The following ANKMY1 variants were observed in gnomAD, a reference collection of about 807,000 sequenced individuals.
ANKMY1 encodes the protein ankyrin repeat and MYND domain-containing protein 1.
Under a neutral mutation model 102.0 loss-of-function variants are expected in ANKMY1, and 98 were observed. That is an observed-to-expected ratio of 0.96 (90% CI 0.82 to 1.14). The LOEUF (loss-of-function observed/expected upper bound fraction) is 1.14. Ranked by LOEUF, ANKMY1 falls within the 50% of genes most tolerant of loss-of-function variation. The probability of loss-of-function intolerance (pLI) is 0.00; values close to 1 mark genes in which losing one functional copy is unlikely to be tolerated. For missense variants in ANKMY1, 1,330 were observed against 1,347.6 expected, an observed-to-expected ratio of 0.99 and a Z score of 0.20; for synonymous variants, 582 against 559.9, an observed-to-expected ratio of 1.04 and a Z score of -0.56.
upstream of ANKMY1, among the ~76,000 whole-genome samples, chr2:240,559,636 AG>A (rs2125367562): frequency 6.6e-6 from 1 of 152,362 alleles, no homozygotes; most frequent in South Asian, 2.1e-4. Flanking sequence ...GGAAAGTTGG[AG>A]TCCTTCCTTA....
Position 240,523,909 on chromosome 2 carries a change from C to T in ANKMY1, c.1808G>A (p.Arg603Gln), listed in dbSNP as rs373595407. The change falls in exon 8 of 18, where the codon CGG becomes CAG. Residue 603 changes from arginine (R) to glutamine (Q), a missense_variant. By Grantham distance (43) the Arg-to-Gln change is conservative. Transcript: ENST00000401804. ...CTCGATCATGGACAGCGCCATCCTC[C>T]GCATGGTCCCTTTGTCGAAGCTGCT... ...CTSSFDKGTMRRMALSMIERR... is the reference protein window; with the variant it reads ...CTSSFDKGTMQRMALSMIERR... 37 of 1,613,480 alleles carry T rather than the reference C, an allele frequency of 2.3e-5. No homozygotes were observed. The East Asian group carries it at 3.6e-4, about 16-fold the overall frequency.
intron 4 of ANKMY1, chr2:240,552,632 T>G (rs1338682398): frequency 2.3e-6 from 1 of 432,078 alleles, no homozygotes; most frequent in Non-Finnish European, 4.3e-6. Flanking sequence ...AAACATTATG[T>G]GTACAGTGAT....
At chr2:240,526,116 TC>T in intron 6 of ANKMY1, 112 bp downstream of exon 6, 1 of 1,288,572 alleles carries the variant, frequency 7.8e-7, no homozygotes, top group Non-Finnish European at 1.1e-6. Flanking sequence ...ACAATCAGTG[TC>T]CCCATGTACC....
intron 4 of ANKMY1, among the ~76,000 whole-genome samples, chr2:240,541,149 T>A (rs2088661833): frequency 6.6e-6 from 1 of 152,148 alleles, no homozygotes; most frequent in Admixed American, 6.5e-5. Context: ...TGTAACTGTG[T>A]GTTGTGTGTG....
intron 13 of ANKMY1, among the ~76,000 whole-genome samples, chr2:240,502,614 G>A (rs564396579): frequency 4.5e-4 from 68 of 151,394 alleles, no homozygotes; most frequent in Non-Finnish European, 7.4e-4. Context: ...CCTGCCCGTC[G>A]CTCACCAGGA....
chr2:240,557,479 A>G (rs2092501833), intron 1 of ANKMY1, 127 bp from the exon 2 acceptor site: 1 of 1,130,306 alleles, frequency 8.8e-7, no homozygotes, highest in Non-Finnish European at 1.2e-6. Context: ...ACCGCGCCGG[A>G]GCCTGGGCCG....
intron 9 of ANKMY1, among the ~76,000 whole-genome samples, chr2:240,517,811 A>G (rs554007699): frequency 1.3e-5 from 2 of 152,118 alleles, no homozygotes; most frequent in African/African-American, 4.8e-5. Flanking sequence ...GCCTCAAAAG[A>G]AAAAAAAGGA....
At chr2:240,470,769 C>T in the ANKMY1 span, among the ~76,000 whole-genome samples, 1 of 152,292 alleles carries the variant, frequency 6.6e-6, no homozygotes, top group Admixed American at 6.5e-5. Flanking sequence ...GTAGACTCAG[C>T]TAAAATAACC....
upstream of ANKMY1, chr2:240,558,067 G>A (rs1056556956): frequency 1.6e-5 from 13 of 827,014 alleles, no homozygotes; most frequent in African/African-American, 5.6e-5. Context: ...CCCCCCGCCA[G>A]GACGCACCCG....
intron 15 of ANKMY1, among the ~76,000 whole-genome samples, chr2:240,493,726 T>C (rs2076910760): frequency 6.6e-6 from 1 of 151,984 alleles, no homozygotes; most frequent in Non-Finnish European, 1.5e-5. Flanking sequence ...GCCCCAGAGG[T>C]GGCAAGGATG....
At chr2:240,535,771 T>G (rs1188813618) in intron 4 of ANKMY1, among the ~76,000 whole-genome samples, 1 of 152,014 alleles carries the variant, frequency 6.6e-6, no homozygotes, top group African/African-American at 2.4e-5. Context: ...AAATCAGAGT[T>G]TAGTCCTCAG....
rs1386269098 is a variant in ANKMY1 at position 240,499,209 on chromosome 2, G to T, written c.2806+749C>A. ...GGTTCCGGTGTGTGTGTGCACACAC[G>T]TGTTAACACGTGACAGGTTTTTATG... On this transcript the variant is annotated intron_variant, in intron 15 of 17. Transcript: ENST00000401804. The surrounding 1 kb of genome is among the most constrained non-coding windows in gnomAD (Gnocchi z 4.2). Among the ~76,000 whole-genome samples, 1 of 152,104 alleles carries T rather than the reference G, an allele frequency of 6.6e-6. No individual in the cohort carries two copies. The highest frequency in any genetic ancestry group is 2.1e-4 in the South Asian group (1 of 4,824).
chr2:240,524,024 C>T lies in ANKMY1; in HGVS notation c.1693G>A (p.Asp565Asn), dbSNP rs764591424. 1.2e-5 allele frequency: 20 copies of T among 1,613,848 alleles called. No individual in the cohort carries two copies. Among genetic ancestry groups the T allele is most frequent in the South Asian group, 8.8e-5 (8 of 91,086 alleles). Residue 565 changes from aspartate to asparagine, a missense_variant, in exon 8 of 18, where the codon GAC (aspartate) becomes AAC (asparagine). Coordinates refer to ENST00000401804, the MANE Select transcript of ANKMY1 (RefSeq NM_001282771.3). The stretch of plus-strand genomic sequence containing the variant: ...GCCTGCGAGAGCTCGATGGAGAAGT[C>T]GCACACACACACGTTGGACTCAAAT... Reference protein sequence around the residue: ...TKFESNVCVCDFSIELSQAML... With the variant: ...TKFESNVCVCNFSIELSQAML...
chr2:240,526,087 C>T (rs547893528), intron 6 of ANKMY1, 142 bp downstream of exon 6: 31 of 1,112,574 alleles, frequency 2.8e-5, no homozygotes, highest in African/African-American at 1.1e-4. Context: ...TTCTGCTGAA[C>T]GGCGAGGTGG....
Position 240,498,595 on chromosome 2 carries a change from C to T in ANKMY1, c.2806+1363G>A, listed in dbSNP as rs544884861. ...GCGTGTGTCCTGAGGAGTATGCAAG[C>T]GTGTGGGTGGGCCTGTGGCTGGCTA... is the stretch of plus-strand genomic sequence containing the variant. On this transcript the variant is annotated intron_variant, in intron 15 of 17. Coordinates refer to ENST00000401804, the MANE Select transcript of ANKMY1 (RefSeq NM_001282771.3). Among the ~76,000 whole-genome samples, 4 of 151,446 alleles carry T rather than the reference C, an allele frequency of 2.6e-5. No individual in the cohort carries two copies. The East Asian group carries it at 7.8e-4, about 30-fold the overall frequency.
chr2:240,515,346 C>T (rs1434285028), intron 9 of ANKMY1, among the ~76,000 whole-genome samples: 1 of 152,032 alleles, frequency 6.6e-6, no homozygotes, highest in African/African-American at 2.4e-5. Flanking sequence ...ACCAGCCTGG[C>T]CAACATGGTG....
chr2:240,515,867 G>C (rs1442013823), intron 9 of ANKMY1, among the ~76,000 whole-genome samples: 1 of 149,626 alleles, frequency 6.7e-6, no homozygotes, highest in Non-Finnish European at 1.5e-5. Context: ...ACAGGCACCC[G>C]CCACCATGCC....
At chr2:240,475,718 T>G (rs1254919635), downstream of ANKMY1, among the ~76,000 whole-genome samples, 2 of 152,028 alleles carry the variant, frequency 1.3e-5, no homozygotes, top group Non-Finnish European at 2.9e-5. Context: ...ATCTTGCAAC[T>G]TTAATGAATT....
intron 13 of ANKMY1, among the ~76,000 whole-genome samples, chr2:240,503,428 CCCTT>C (rs1209670137): frequency 1.3e-5 from 2 of 152,162 alleles, no homozygotes; most frequent in Non-Finnish European, 2.9e-5. Flanking sequence ...TTCTGGCAGC[CCCTT>C]CCTTGGCCGT....
Sources: gnomAD v4.1 joint callset for allele counts (sites outside exome capture counted in the v4.1 genomes callset) on GRCh38, gnomAD v4.1.1 for gene constraint, Gnocchi (gnomAD v3.1) non-coding constraint, MANE v1.5 for transcripts, NCBI Gene and HGNC (gene_info 2026-07-23, HGNC 2026-07-21) for gene names.